The following PRP4K variants were observed in gnomAD, a reference collection of about 807,000 sequenced individuals.
PRP4K encodes the protein pre-mRNA processing factor kinase PRP4K, also known as serine/threonine-protein kinase PRP4 homolog.
At chr6:4,053,919 T>TTTTGTTTTGC in the PRP4K span, among the ~76,000 whole-genome samples, 1 of 151,894 alleles carries the variant, frequency 6.6e-6, no homozygotes, top group Non-Finnish European at 1.5e-5. Flanking sequence ...TTTTGTTTTG[T>TTTTGTTTTGC]TTTGTTTTGA....
At chr6:4,029,418 A>AT in the PRP4K span, among the ~76,000 whole-genome samples, 2 of 140,016 alleles carry the variant, frequency 1.4e-5, no homozygotes, top group Non-Finnish European at 3.0e-5. Flanking sequence ...ATCATGGCTC[A>AT]TTGCAGCCTT....
chr6:4,027,602 G>T, the PRP4K span, among the ~76,000 whole-genome samples: 15 of 123,010 alleles, frequency 1.2e-4, 1 homozygote, highest in South Asian at 3.2e-4. Flanking sequence ...CGGAGGGGTG[G>T]GGGGGTGGGG....
chr6:4,030,067 C>T, the PRP4K span, among the ~76,000 whole-genome samples: 1 of 152,022 alleles, frequency 6.6e-6, no homozygotes, highest in South Asian at 2.1e-4. Flanking sequence ...CTCAGCCTCC[C>T]GAGTAACTGG....
At chr6:4,038,394 C>T in the PRP4K span, among the ~76,000 whole-genome samples, 1 of 151,636 alleles carries the variant, frequency 6.6e-6, no homozygotes, top group Non-Finnish European at 1.5e-5. Flanking sequence ...TCAAGCAATT[C>T]TGCCTCAGCC....
the PRP4K span, among the ~76,000 whole-genome samples, chr6:4,035,089 A>G: frequency 6.6e-6 from 1 of 151,548 alleles, no homozygotes; most frequent in Non-Finnish European, 1.5e-5. Flanking sequence ...ACATATATAT[A>G]CACATATATG....
At chr6:4,062,999 T>G in the PRP4K span, 1 of 152,628 alleles carries the variant, frequency 6.6e-6, no homozygotes, top group Non-Finnish European at 1.5e-5. This position sits in a 1 kb window ranked among gnomAD's most constrained non-coding sequence, Gnocchi z 4.2. Flanking sequence ...TAGAAACAGT[T>G]CATCTTATAC....
chr6:4,032,375 C>T, the PRP4K span: 45 of 1,613,778 alleles, frequency 2.8e-5, no homozygotes, highest in South Asian at 2.5e-4. Flanking sequence ...GTAGAAGTCG[C>T]GATCGAGGTA....
chr6:4,040,188 T>G, the PRP4K span, among the ~76,000 whole-genome samples: 1 of 151,974 alleles, frequency 6.6e-6, no homozygotes, highest in Non-Finnish European at 1.5e-5. Flanking sequence ...CCCCCAGTTT[T>G]TTTTTTTTTA....
At chr6:4,051,886 C>G in the PRP4K span, 1 of 1,023,866 alleles carries the variant, frequency 9.8e-7, no homozygotes. Context: ...CTGGGGCTAG[C>G]AAATACATTA....
chr6:4,031,596 G>A, the PRP4K span: 2 of 1,577,798 alleles, frequency 1.3e-6, no homozygotes, highest in African/African-American at 1.4e-5. Flanking sequence ...TATAAATGAA[G>A]AAAATGGAGA....
chr6:4,057,106 T>G, the PRP4K span: 6 of 1,612,586 alleles, frequency 3.7e-6, no homozygotes, highest in South Asian at 3.3e-5. Context: ...AACTCTATAC[T>G]GGAAAAATTT....
chr6:4,063,027 G>T, the PRP4K span: 1 of 152,492 alleles, frequency 6.6e-6, no homozygotes, highest in Non-Finnish European at 1.5e-5. Context: ...ACTGTTACCT[G>T]TTCTTTAAAA....
the PRP4K span, among the ~76,000 whole-genome samples, chr6:4,028,817 C>T: frequency 6.6e-6 from 1 of 152,076 alleles, no homozygotes; most frequent in African/African-American, 2.4e-5. Context: ...AGTAACTTCT[C>T]AGTCATACCG....
At chr6:4,042,851 A>G in the PRP4K span, among the ~76,000 whole-genome samples, 2 of 152,314 alleles carry the variant, frequency 1.3e-5, no homozygotes, top group African/African-American at 4.8e-5. Flanking sequence ...TTTTAAGTTA[A>G]TGAACACGTA....
the PRP4K span, among the ~76,000 whole-genome samples, chr6:4,027,409 A>G: frequency 6.6e-6 from 1 of 152,216 alleles, no homozygotes; most frequent in South Asian, 2.1e-4. Flanking sequence ...AACTTGCCTA[A>G]GGGCACAATA....
At chr6:4,051,466 G>A in the PRP4K span, among the ~76,000 whole-genome samples, 2 of 151,186 alleles carry the variant, frequency 1.3e-5, no homozygotes, top group African/African-American at 2.4e-5. Context: ...ACAGGCACCC[G>A]CCACCACCCT....
At chr6:4,056,938 C>A in the PRP4K span, 1 of 1,265,446 alleles carries the variant, frequency 7.9e-7, no homozygotes, top group Non-Finnish European at 1.1e-6. Context: ...TGGTTATAGT[C>A]CAAGCTAAGG....
the PRP4K span, among the ~76,000 whole-genome samples, chr6:4,027,593 GGA>G: frequency 9.8e-4 from 34 of 34,554 alleles, 2 homozygotes; most frequent in South Asian, 3.9e-3. Flanking sequence ...CTTATTTGGC[GGA>G]GGGGTGGGGG....
At chr6:4,033,811 G>C in the PRP4K span, among the ~76,000 whole-genome samples, 5 of 151,902 alleles carry the variant, frequency 3.3e-5, no homozygotes, top group Admixed American at 2.6e-4. Flanking sequence ...CTTTACTTCT[G>C]AGTGGCACTG....
Sources: gnomAD v4.1 joint callset for allele counts (sites outside exome capture counted in the v4.1 genomes callset) on GRCh38, gnomAD v4.1.1 for gene constraint, Gnocchi (gnomAD v3.1) non-coding constraint, MANE v1.5 for transcripts, NCBI Gene and HGNC (gene_info 2026-07-23, HGNC 2026-07-21) for gene names.